Variants in IL7 observed in about 807,000 individuals in gnomAD.
IL7 encodes the protein interleukin-7.
A neutral mutation model predicts 21.6 loss-of-function variants in IL7; 3 were observed. The ratio of observed to expected loss-of-function variants is 0.14; its 90% CI spans 0.06 to 0.36. The LOEUF (loss-of-function observed/expected upper bound fraction) is 0.36, where lower values mean the gene tolerates loss of function less well. IL7 is among the 10% of genes least tolerant of loss of function. The probability of loss-of-function intolerance (pLI) is 1.00; values close to 1 mark genes in which losing one functional copy is unlikely to be tolerated. For synonymous variants in IL7, 62 were observed against 68.1 expected, an observed-to-expected ratio of 0.91 and a Z score of 0.44; for missense variants, 175 against 200.2, an observed-to-expected ratio of 0.87 and a Z score of 0.76.
chr8:78,796,717 C>T (rs1457607412), intron 2 of IL7, among the ~76,000 whole-genome samples: 1 of 151,810 alleles, frequency 6.6e-6, no homozygotes, highest in Non-Finnish European at 1.5e-5. Flanking sequence ...CTATGACAAG[C>T]CTATTAAAAT....
intron 2 of IL7, among the ~76,000 whole-genome samples, chr8:78,791,879 A>C (rs979885793): frequency 6.6e-6 from 1 of 152,174 alleles, no homozygotes; most frequent in African/African-American, 2.4e-5. Context: ...GAGATATGAC[A>C]TCACCAGAGA....
chr8:78,756,007 A>C (rs530808117), intron 2 of IL7, among the ~76,000 whole-genome samples: 1 of 152,050 alleles, frequency 6.6e-6, no homozygotes, highest in South Asian at 2.1e-4. Context: ...CTTTGTTTCT[A>C]TGCCAATTTG....
downstream of IL7, among the ~76,000 whole-genome samples, chr8:78,716,477 G>C (rs1811108310): frequency 6.6e-6 from 1 of 151,928 alleles, no homozygotes; most frequent in African/African-American, 2.4e-5. Flanking sequence ...ATGCATAAGA[G>C]TTTGTTATTT....
intron 2 of IL7, among the ~76,000 whole-genome samples, chr8:78,742,376 T>G (rs891854392): frequency 6.6e-6 from 1 of 151,974 alleles, no homozygotes; most frequent in African/African-American, 2.4e-5. Context: ...TATGTCAAGA[T>G]GTACATAAGA....
chr8:78,737,718 C>T (rs1404797140), intron 4 of IL7, among the ~76,000 whole-genome samples: 1 of 152,032 alleles, frequency 6.6e-6, no homozygotes, highest in East Asian at 1.9e-4. Context: ...TTTTTTAAGT[C>T]ATAAAAATGT....
intron 4 of IL7, among the ~76,000 whole-genome samples, chr8:78,677,192 A>G (rs1809608566): frequency 6.6e-6 from 1 of 152,144 alleles, no homozygotes; most frequent in Non-Finnish European, 1.5e-5. Context: ...AAAATACAAA[A>G]GAAAAAAGAG....
At chr8:78,763,364 G>C (rs558239872) in intron 2 of IL7, among the ~76,000 whole-genome samples, 1 of 152,300 alleles carries the variant, frequency 6.6e-6, no homozygotes, top group South Asian at 2.1e-4. Flanking sequence ...AAAAGGTTAG[G>C]AGGGAGAAAT....
At chr8:78,706,657 A>G (rs933722211) in intron 3 of IL7, among the ~76,000 whole-genome samples, 11 of 152,062 alleles carry the variant, frequency 7.2e-5, no homozygotes, top group African/African-American at 2.7e-4. Flanking sequence ...GTCCCAATGC[A>G]AGTACATGGA....
chr8:78,782,541 G>A (rs1282653705), intron 2 of IL7, among the ~76,000 whole-genome samples: 1 of 152,118 alleles, frequency 6.6e-6, no homozygotes, highest in Non-Finnish European at 1.5e-5. Flanking sequence ...ACCCCTGGGG[G>A]TGTCACCAGT....
Position 78,767,087 on chromosome 8 carries a change from T to A in IL7, c.148-27005A>T, listed in dbSNP as rs570559237. ...TTTGCATCTTCTTTTCTATGAATAG[T>A]CTGTTCTTATCCACTTTCTTATAAG... On this transcript the variant is annotated intron_variant, in intron 2 of 5. Coordinates refer to ENST00000263851, the MANE Select transcript of IL7 (RefSeq NM_000880.4). Among the ~76,000 whole-genome samples, 7 of 152,262 alleles carry A rather than the reference T, an allele frequency of 4.6e-5. No individual in the cohort carries two copies. The South Asian group carries it at 8.3e-4, about 18-fold the overall frequency.
At chr8:78,685,756 A>T (rs1809948500) in intron 4 of IL7, 1 of 152,236 alleles carries the variant, frequency 6.6e-6, no homozygotes, top group South Asian at 2.1e-4. Flanking sequence ...TCAAAACCCA[A>T]ATGATAGATA....
chr8:78,698,475 A>G (rs1054283), intron 3 of IL7: 1,190,477 of 1,610,586 alleles, frequency 0.74, 443,631 homozygotes, highest in East Asian at 0.92. Context: ...TTCAGACCTT[A>G]TCTCCCTCTC....
chr8:78,798,335 C>T, intron 1 of IL7, 127 bp from the exon 2 acceptor site: 1 of 629,348 alleles, frequency 1.6e-6, no homozygotes, highest in Non-Finnish European at 2.6e-6. Flanking sequence ...GGAGATACTA[C>T]AGGAAGAACC....
intron 2 of IL7, among the ~76,000 whole-genome samples, chr8:78,779,127 C>T (rs1813229610): frequency 6.6e-6 from 1 of 152,176 alleles, no homozygotes; most frequent in Non-Finnish European, 1.5e-5. Context: ...TGCTTATCAG[C>T]TTAAGAAGCT....
At chr8:78,768,270 C>A (rs1812826796) in intron 2 of IL7, among the ~76,000 whole-genome samples, 1 of 152,092 alleles carries the variant, frequency 6.6e-6, no homozygotes. Flanking sequence ...ATTTATAGTT[C>A]TTTGGGTATA....
chr8:78,766,325 C>G (rs1374731011), intron 2 of IL7, among the ~76,000 whole-genome samples: 2 of 151,954 alleles, frequency 1.3e-5, no homozygotes, highest in East Asian at 3.9e-4. Context: ...AAACTATAGA[C>G]TTTGGGTGAC....
chr8:78,678,652 T>C lies in IL7; in HGVS notation n.274-2548A>G, dbSNP rs765037391. ...GACAGAGAGCTGAAGGAACTGATAT[T>C]CCAACAGTAAAACCTCTCAAACCGA... On this transcript the variant is annotated intron_variant and non_coding_transcript_variant, in intron 4 of 4. Coordinates refer to the IL7 transcript ENST00000523959. The C allele has an allele frequency of 1.3e-5, 21 of 1,611,256 alleles. No homozygotes were observed. In the South Asian group the frequency reaches 2.2e-4, roughly 17 times the overall value.
intron 4 of IL7, among the ~76,000 whole-genome samples, chr8:78,685,422 G>A (rs1231195028): frequency 6.6e-6 from 1 of 152,154 alleles, no homozygotes; most frequent in African/African-American, 2.4e-5. Flanking sequence ...GGCTAATGCA[G>A]ATCCAGAGGC....
At chr8:78,757,693 A>G (rs1812396411) in intron 2 of IL7, among the ~76,000 whole-genome samples, 1 of 152,050 alleles carries the variant, frequency 6.6e-6, no homozygotes, top group Non-Finnish European at 1.5e-5. Flanking sequence ...TTTGTCCGAT[A>G]TAAGTATAGC....
Sources: allele counts gnomAD v4.1 joint callset (sites outside exome capture counted in the v4.1 genomes callset), GRCh38; gene constraint gnomAD v4.1.1; transcripts MANE v1.5; gene names NCBI Gene and HGNC (gene_info 2026-07-23, HGNC 2026-07-21).